Variants in NIPA1 observed in about 807,000 individuals in gnomAD.
NIPA1 encodes magnesium transporter NIPA1.
Under a neutral mutation model 23.9 loss-of-function variants are expected in NIPA1, and 13 were observed. The ratio of observed to expected loss-of-function variants is 0.54; its 90% confidence interval spans 0.35 to 0.87. The LOEUF is 0.87. Among genes scored for constraint, NIPA1 ranks in the 40% least tolerant of loss-of-function variants. NIPA1 has a pLI of 0.01. For missense variants in NIPA1, 362 were observed against 429.7 expected (o/e 0.84, Z 1.39); for synonymous variants, 234 against 202.9 (o/e 1.15, Z -1.30).
chr15:22,808,124 G>T (rs1365815459), intron 1 of NIPA1, among the ~76,000 whole-genome samples: 3 of 152,052 alleles, frequency 2.0e-5, no homozygotes, highest in Non-Finnish European at 4.4e-5. Context: ...AGTTATGGTG[G>T]TTTTGTTGGG....
At chr15:22,821,435 C>G (rs991466990) in intron 4 of NIPA1, among the ~76,000 whole-genome samples, 1 of 151,644 alleles carries the variant, frequency 6.6e-6, no homozygotes, top group Non-Finnish European at 1.5e-5. Flanking sequence ...TGTCCACACT[C>G]GCTGGTTTGC....
At chr15:22,805,194 A>G (rs540787232) in intron 1 of NIPA1, among the ~76,000 whole-genome samples, 26 of 152,250 alleles carry the variant, frequency 1.7e-4, no homozygotes, top group Non-Finnish European at 2.9e-4. Flanking sequence ...TCTTTTTTCC[A>G]TAATTGCCAA....
At chr15:22,813,400 G>A (rs1895356067) in intron 3 of NIPA1, among the ~76,000 whole-genome samples, 1 of 152,254 alleles carries the variant, frequency 6.6e-6, no homozygotes, top group East Asian at 1.9e-4. Flanking sequence ...AGGGGAAAGG[G>A]GGGAAATGGG....
intron 1 of NIPA1, among the ~76,000 whole-genome samples, chr15:22,788,370 A>G (rs1894756851): frequency 6.6e-6 from 1 of 151,894 alleles, no homozygotes; most frequent in Non-Finnish European, 1.5e-5. Flanking sequence ...GTGTGGTGGC[A>G]CGCACCTGTA....
intron 1 of NIPA1, among the ~76,000 whole-genome samples, chr15:22,797,055 T>G (rs900238102): frequency 7.2e-5 from 11 of 151,942 alleles, no homozygotes; most frequent in African/African-American, 2.2e-4. Context: ...TTTTTTTTTT[T>G]TTTAGATAAA....
At chr15:22,805,756 AC>A (rs1479536361) in intron 1 of NIPA1, among the ~76,000 whole-genome samples, 2 of 152,312 alleles carry the variant, frequency 1.3e-5, no homozygotes, top group Admixed American at 1.3e-4. Flanking sequence ...TTTACAAAGA[AC>A]TAGTTATCCA....
intron 1 of NIPA1, among the ~76,000 whole-genome samples, chr15:22,789,588 G>A (rs1171097572): frequency 6.6e-6 from 1 of 152,100 alleles, no homozygotes; most frequent in Non-Finnish European, 1.5e-5. Context: ...ACTTGTATGG[G>A]GGTTGAGCAC....
At chr15:22,791,351 C>T (rs1275728744) in intron 1 of NIPA1, among the ~76,000 whole-genome samples, 1 of 151,994 alleles carries the variant, frequency 6.6e-6, no homozygotes, top group African/African-American at 2.4e-5. Context: ...AGTTTAAACT[C>T]TAAATGAATT....
intron 3 of NIPA1, among the ~76,000 whole-genome samples, chr15:22,815,564 A>G (rs1312162563): frequency 6.6e-6 from 1 of 152,152 alleles, no homozygotes; most frequent in Non-Finnish European, 1.5e-5. Flanking sequence ...ATTGCAGTGA[A>G]TTGACATTGA....
At chr15:22,801,226 CT>C (rs1016061339) in intron 1 of NIPA1, among the ~76,000 whole-genome samples, 2 of 152,150 alleles carry the variant, frequency 1.3e-5, no homozygotes, top group African/African-American at 4.8e-5. Flanking sequence ...TACCGTTCTA[CT>C]TTTACAGGGC....
chr15:22,792,524 A>G (rs1894853880), intron 1 of NIPA1, among the ~76,000 whole-genome samples: 1 of 151,884 alleles, frequency 6.6e-6, no homozygotes. Flanking sequence ...ACACCCGGCT[A>G]ATTTTTTGTA....
chr15:22,802,673 T>C (rs1340633900), intron 1 of NIPA1, among the ~76,000 whole-genome samples: 1 of 152,108 alleles, frequency 6.6e-6, no homozygotes, highest in Non-Finnish European at 1.5e-5. Context: ...AGAAATTGAT[T>C]GTTGCTGCCA....
At chr15:22,800,035 G>A (rs1288663782) in intron 1 of NIPA1, among the ~76,000 whole-genome samples, 1 of 151,658 alleles carries the variant, frequency 6.6e-6, no homozygotes, top group East Asian at 1.9e-4. Context: ...GAAGACTGGG[G>A]TGAGGGTTGA....
chr15:22,788,286 G>T (rs1385084716), intron 1 of NIPA1, among the ~76,000 whole-genome samples: 2 of 151,062 alleles, frequency 1.3e-5, no homozygotes, highest in African/African-American at 2.5e-5. Flanking sequence ...CGGGTCACAA[G>T]GTCAGGAGAT....
Position 22,824,818 on chromosome 15 carries a change from G to C in NIPA1, c.*579G>C, listed in dbSNP as rs1329032031. On this transcript the variant is annotated 3_prime_UTR_variant, in exon 5 of 5. Coordinates refer to ENST00000337435, the MANE Select transcript of NIPA1 (RefSeq NM_144599.5). This position sits in a 1 kb window ranked among gnomAD's most constrained non-coding sequence, Gnocchi z 4.1. ...ACCCAAGACATTTTAATAGTAAATAGAGAGAGAGAGAAGAGTTAATGAACA... is the reference window on the plus strand; with the variant it reads ...ACCCAAGACATTTTAATAGTAAATACAGAGAGAGAGAAGAGTTAATGAACA... The C allele has an allele frequency of 1.7e-5, 2 of 117,482 alleles. No individual in the cohort carries two copies. Among genetic ancestry groups the C allele is most frequent in the East Asian group, 5.5e-4 (2 of 3,634 alleles). The allele number at this position is 117,482 out of a possible 1,614,324, so 7.3% of individuals were successfully genotyped here.
intron 1 of NIPA1, among the ~76,000 whole-genome samples, chr15:22,809,987 G>A (rs942306925): frequency 1.3e-5 from 2 of 151,924 alleles, no homozygotes; most frequent in African/African-American, 2.4e-5. Context: ...CGGAGGTTGC[G>A]GTGAGCCGAC....
In NIPA1 at chr15:22,828,331, C is replaced by T. The variant is rs1895691621; in HGVS notation, c.*4092C>T. 1 of 152,582 alleles carries T rather than the reference C, an allele frequency of 6.6e-6. No individual in the cohort carries two copies. The highest frequency in any genetic ancestry group is 2.4e-5 in the African/African-American group (1 of 41,424). The allele number at this position is 152,582 out of a possible 1,614,324, so 9.5% of individuals were successfully genotyped here. A position where few individuals can be genotyped will look rare whatever the true frequency, so the allele number is the denominator to read the frequency against. On this transcript the variant is annotated 3_prime_UTR_variant, in exon 5 of 5. Coordinates refer to ENST00000337435, the MANE Select transcript of NIPA1 (RefSeq NM_144599.5). ...AAAAGACCAATTTGTACACCAGTCA[C>T]ACCACAAGACAGTTTATCATATAAA...
At chr15:22,815,974 C>T (rs1895406595) in intron 3 of NIPA1, among the ~76,000 whole-genome samples, 1 of 152,006 alleles carries the variant, frequency 6.6e-6, no homozygotes, top group Non-Finnish European at 1.5e-5. Flanking sequence ...TCAAAGTACC[C>T]CAGCTAACAT....
chr15:22,801,474 G>A lies in NIPA1; in HGVS notation c.179-9275G>A, dbSNP rs1486254708. On this transcript the variant is annotated intron_variant, in intron 1 of 4. Transcript: ENST00000337435. ...TTTAGTTAAGGCAGAGAGGAAGAGG[G>A]TGCTCTGTAGGGGCAGACAACACTT... Among the ~76,000 whole-genome samples, 3 of 150,964 alleles carry A rather than the reference G, an allele frequency of 2.0e-5. No homozygotes were observed. The Admixed American group carries it at 2.0e-4, about 10-fold the overall frequency.
Sources: gnomAD v4.1 joint callset for allele counts (sites outside exome capture counted in the v4.1 genomes callset) on GRCh38, gnomAD v4.1.1 for gene constraint, Gnocchi (gnomAD v3.1) non-coding constraint, MANE v1.5 for transcripts, NCBI Gene and HGNC (gene_info 2026-07-23, HGNC 2026-07-21) for gene names.